Variants in CDK13 observed in about 807,000 individuals in gnomAD.
CDK13 encodes the protein cyclin-dependent kinase 13.
CDK13 carries 40 observed loss-of-function variants against 137.6 expected under a neutral mutation model. The ratio of observed to expected loss-of-function variants is 0.29; its 90% confidence interval spans 0.23 to 0.38. The LOEUF (loss-of-function observed/expected upper bound fraction) is 0.38, where lower values mean the gene tolerates loss of function less well. Among genes scored for constraint, CDK13 ranks in the 10% least tolerant of loss-of-function variants. CDK13 has a pLI of 1.00. For synonymous variants in CDK13, 869 were observed against 760.1 expected (o/e 1.14, Z -2.36); for missense variants, 1,704 against 1,951.8 (o/e 0.87, Z 2.39).
intron 5 of CDK13, among the ~76,000 whole-genome samples, chr7:40,021,148 C>CACACACACAT (rs1785115091): frequency 6.6e-6 from 1 of 151,154 alleles, no homozygotes; most frequent in African/African-American, 2.4e-5. Flanking sequence ...CACACACACA[C>CACACACACAT]ACATAAAGTT....
chr7:39,951,120 G>A lies in CDK13; in HGVS notation c.479G>A (p.Gly160Glu), dbSNP rs1042943486. Residue 160 changes from glycine (G) to glutamate (E), a missense_variant, in exon 1 of 14, where the codon GGG becomes GAG. Gly to Glu is a moderately conservative substitution (Grantham distance 98). This residue lies in a region of CDK13 where 1,051 missense variants were observed against 931.0 expected (regional missense o/e 1.13). Transcript: ENST00000181839. ...CAGTCCGAGCAGGGGCTGCTGCTGG[G>A]GGGGGCCAGCGCGGCAACGGCGGCG... ...SSQSEQGLLL[G>E]GASAATAATA... 9.6e-6 allele frequency: 12 copies of A among 1,245,076 alleles called. No individual in the cohort carries two copies. Among genetic ancestry groups the A allele is most frequent in the East Asian group, 3.2e-5 (1 of 31,716 alleles). The allele number at this position is 1,245,076 out of a possible 1,614,324, so 77.1% of individuals were successfully genotyped here. A position where few individuals can be genotyped will look rare whatever the true frequency, so the allele number is the denominator to read the frequency against.
At chr7:40,075,704 A>C (rs1051372165) in intron 9 of CDK13, among the ~76,000 whole-genome samples, 1 of 152,124 alleles carries the variant, frequency 6.6e-6, no homozygotes, top group Non-Finnish European at 1.5e-5. Context: ...TACATAGGCA[A>C]AGTACCTTAG....
Position 40,092,628 on chromosome 7 carries a change from T to C in CDK13, c.3236-157T>C, listed in dbSNP as rs1355497491. 5 of 602,664 alleles carry C rather than the reference T, an allele frequency of 8.3e-6. No individual in the cohort carries two copies. The East Asian group carries it at 1.4e-4, about 17-fold the overall frequency. 37.3% of individuals were successfully genotyped at this position (602,664 alleles called of 1,614,324 possible). On this transcript the variant is annotated intron_variant, in intron 12 of 13. Transcript: ENST00000181839. ...TGTACAGGTACATTTTAAATGTACA[T>C]GATATTTAACTAGACTTGAGGTTCT...
intron 7 of CDK13, among the ~76,000 whole-genome samples, chr7:40,055,077 A>G (rs992153171): frequency 1.3e-5 from 2 of 151,994 alleles, no homozygotes; most frequent in Non-Finnish European, 2.9e-5. Flanking sequence ...TTGGGTCTTT[A>G]CAAAGTTTAG....
chr7:40,005,493 C>T (rs546805078), intron 5 of CDK13, among the ~76,000 whole-genome samples: 10 of 151,894 alleles, frequency 6.6e-5, no homozygotes, highest in African/African-American at 1.2e-4. Flanking sequence ...GACAGGGTTT[C>T]GCTATGTTGG....
intron 5 of CDK13, among the ~76,000 whole-genome samples, chr7:40,026,968 A>G (rs946911289): frequency 1.3e-5 from 2 of 152,186 alleles, no homozygotes; most frequent in Non-Finnish European, 2.9e-5. Context: ...TTTCTGATAA[A>G]TAATGCTAAC....
intron 1 of CDK13, among the ~76,000 whole-genome samples, chr7:39,978,549 A>G (rs1784155189): frequency 6.6e-6 from 1 of 152,230 alleles, no homozygotes; most frequent in Non-Finnish European, 1.5e-5. Flanking sequence ...CTGTTTTTAA[A>G]TATCTTAGAG....
chr7:40,007,719 C>T (rs975581750), intron 5 of CDK13, among the ~76,000 whole-genome samples: 10 of 152,146 alleles, frequency 6.6e-5, no homozygotes, highest in Admixed American at 1.3e-4. Flanking sequence ...TGAACCACCG[C>T]GCCCAGCCAT....
chr7:40,083,829 T>C (rs1417605074), intron 11 of CDK13, among the ~76,000 whole-genome samples: 24 of 152,210 alleles, frequency 1.6e-4, no homozygotes, highest in Admixed American at 1.6e-3. Flanking sequence ...AGTATCAGAT[T>C]GATCCAATAT....
rs1784422280 is a variant in CDK13, at chr7:39,989,878, G to C, written c.1871+1620G>C. On this transcript the variant is annotated intron_variant, in intron 2 of 13. Coordinates refer to ENST00000181839, the MANE Select transcript of CDK13 (RefSeq NM_003718.5). ...GCTCACTGCAAGCTCTGCCTCCTGG[G>C]TTCATGCCGTTCTTCTGCCTCAGCC... Among the ~76,000 whole-genome samples the C allele has an allele frequency of 2.6e-5, 4 of 151,906 alleles. No individual in the cohort carries two copies. In the South Asian group the frequency reaches 8.3e-4, roughly 32 times the overall value.
At position 39,951,789 on chromosome 7, in the gene CDK13, C is replaced by A; in HGVS notation, c.1148C>A (p.Ser383Tyr). The change falls in exon 1 of 14, where the codon TCC (serine) becomes TAC (tyrosine). Residue 383 changes from serine (S) to tyrosine (Y), a missense_variant. Ser to Tyr is a moderately radical substitution (Grantham distance 144). Around this residue, in one of 5 missense-constraint regions of CDK13, gnomAD observed 1,051 missense variants for 931.0 expected, o/e 1.13. Transcript: ENST00000181839. The stretch of plus-strand genomic sequence containing the variant: ...TCCTACGAGCGGGGCGGCGACGTGT[C>A]CCCTAGTCCCTACAGCAGCAGCAGC... ...HSSYERGGDV[S>Y]PSPYSSSSWR... is the part of the protein sequence containing the mutation. The A allele has an allele frequency of 6.8e-7, 1 of 1,469,808 alleles. No individual in the cohort carries two copies. Among genetic ancestry groups the A allele is most frequent in the South Asian group, 1.4e-5 (1 of 70,124 alleles). The allele number at this position is 1,469,808 out of a possible 1,614,324, so 91.0% of individuals were successfully genotyped here.
chr7:40,060,669 ATATAT>A (rs1178258150), intron 7 of CDK13, among the ~76,000 whole-genome samples: 3 of 152,236 alleles, frequency 2.0e-5, no homozygotes, highest in Non-Finnish European at 2.9e-5. Flanking sequence ...GTGAAGATAA[ATATAT>A]TATTAATAGA....
At chr7:40,042,784 CTTT>C (rs35787046) in intron 5 of CDK13, among the ~76,000 whole-genome samples, 1 of 144,018 alleles carries the variant, frequency 6.9e-6, no homozygotes. Flanking sequence ...TCCAGCCCTC[CTTT>C]TTTTTTTTTT....
chr7:39,957,380 C>G (rs985269867), intron 1 of CDK13, among the ~76,000 whole-genome samples: 1 of 147,570 alleles, frequency 6.8e-6, no homozygotes, highest in African/African-American at 2.4e-5. Flanking sequence ...GCTTAGTTGG[C>G]TGGCTGCCTT....
intron 9 of CDK13, among the ~76,000 whole-genome samples, chr7:40,064,664 C>T (rs1046466725): frequency 6.6e-6 from 1 of 151,964 alleles, no homozygotes; most frequent in Non-Finnish European, 1.5e-5. Context: ...GTACCCGAAG[C>T]CAGAAACTAG....
Position 40,008,594 on chromosome 7 carries a change from T to TA in CDK13, c.2353+6566dup, listed in dbSNP as rs560108456. Among the ~76,000 whole-genome samples the TA allele has an allele frequency of 1.1e-4, 16 of 152,322 alleles. No individual in the cohort carries two copies. In the East Asian group the frequency reaches 1.5e-3, roughly 15 times the overall value. On this transcript the variant is annotated intron_variant, in intron 5 of 13. Coordinates refer to ENST00000181839, the MANE Select transcript of CDK13 (RefSeq NM_003718.5). ...GAGTTTCAAAAGAAGTGAAAAAACT[T>TA]AAACAGTAACTCACTGTGGAACCTA...
intron 9 of CDK13, among the ~76,000 whole-genome samples, chr7:40,068,707 GAAAA>G (rs1158145409): frequency 2.1e-3 from 98 of 47,066 alleles, no homozygotes; most frequent in African/African-American, 6.4e-3. Flanking sequence ...CTATGTCTCA[GAAAA>G]AAAAAAAAAA....
chr7:39,993,747 C>T (rs773400), intron 2 of CDK13, among the ~76,000 whole-genome samples: 151,047 of 152,142 alleles, frequency 0.99, 74,988 homozygotes, highest in East Asian at 1. Flanking sequence ...TATAATTATT[C>T]GCTATTAAAC....
In CDK13 at chr7:39,962,650, GTCAATTTTGACT is replaced by G. The variant is rs549143733; in HGVS notation, c.1211+10801_1211+10812del. ...TGTTTAGTTTAATTAGATCCCGTTC[GTCAATTTTGACT>G]TCTGTTGCCATTGCTTTTGGTGTTT... On this transcript the variant is annotated intron_variant, in intron 1 of 13. Coordinates refer to ENST00000181839, the MANE Select transcript of CDK13 (RefSeq NM_003718.5). Among the ~76,000 whole-genome samples the G allele has an allele frequency of 5.8e-4, 89 of 152,280 alleles. No homozygotes were observed. The East Asian group carries it at 8.1e-3, about 14-fold the overall frequency.
Sources: allele counts gnomAD v4.1 joint callset (sites outside exome capture counted in the v4.1 genomes callset), GRCh38; gene constraint gnomAD v4.1.1; regional missense constraint gnomAD v4.1.1; transcripts MANE v1.5; gene names NCBI Gene and HGNC (gene_info 2026-07-23, HGNC 2026-07-21).